TRAPPC9: variants seen among roughly 807,000 people sequenced by gnomAD.
TRAPPC9 encodes IKK2 binding protein.
TRAPPC9 carries 83 observed loss-of-function variants against 124.0 expected under a neutral mutation model. That is an observed-to-expected ratio of 0.67 (90% CI 0.56 to 0.80). The LOEUF (loss-of-function observed/expected upper bound fraction) is 0.80, where lower values mean the gene tolerates loss of function less well. TRAPPC9 is among the 30% of genes least tolerant of loss of function. The pLI is 0.00. For missense variants in TRAPPC9, 1,302 were observed against 1,508.3 expected (o/e 0.86, Z 2.27); for synonymous variants, 638 against 617.5 (o/e 1.03, Z -0.49).
chr8:140,075,005 T>G (rs79025798), intron 17 of TRAPPC9, among the ~76,000 whole-genome samples: 1 of 152,142 alleles, frequency 6.6e-6, no homozygotes, highest in Non-Finnish European at 1.5e-5. Context: ...ACTTGCCCAA[T>G]GTCAGCCTTC....
Position 140,284,025 on chromosome 8 carries a change from G to A in TRAPPC9, c.1982-4C>T. 1 of 1,613,964 alleles carries A rather than the reference G, an allele frequency of 6.2e-7. No individual in the cohort carries two copies. On this transcript the variant is annotated splice_polypyrimidine_tract_variant and splice_region_variant and intron_variant, in intron 13 of 22. Coordinates refer to ENST00000438773, the MANE Select transcript of TRAPPC9 (RefSeq NM_001160372.4). ...CCGAAGACCGTGGTATGGTAACCTGGAATAGAAAAGGAACTTCTTCACTCC... is the reference window on the plus strand; with the variant it reads ...CCGAAGACCGTGGTATGGTAACCTGAAATAGAAAAGGAACTTCTTCACTCC...
chr8:139,826,554 G>A (rs962420224), intron 21 of TRAPPC9, among the ~76,000 whole-genome samples: 2 of 152,222 alleles, frequency 1.3e-5, no homozygotes, highest in African/African-American at 4.8e-5. Context: ...CCACGGCAGA[G>A]GCGGTGGAGT....
chr8:140,139,967 A>T (rs1041073409), intron 17 of TRAPPC9, among the ~76,000 whole-genome samples: 2 of 152,232 alleles, frequency 1.3e-5, no homozygotes, highest in African/African-American at 2.4e-5. Context: ...ATTCTTAAAC[A>T]AACAGCTACC....
chr8:139,961,542 G>A lies in TRAPPC9; in HGVS notation c.2810+27184C>T, dbSNP rs1428847527. Reference sequence around the variant, plus strand: ...GAGCCAAGCCTCCCTGTGCTCTCAGGGGAGCCAGGAACAGGCAGGAACTGC... The same window carrying A: ...GAGCCAAGCCTCCCTGTGCTCTCAGAGGAGCCAGGAACAGGCAGGAACTGC... On this transcript the variant is annotated intron_variant, in intron 19 of 22. Coordinates refer to ENST00000438773, the MANE Select transcript of TRAPPC9 (RefSeq NM_001160372.4). Among the ~76,000 whole-genome samples the A allele has an allele frequency of 2.4e-5, 3 of 124,402 alleles. 1 individual carries two copies. Among genetic ancestry groups the A allele is most frequent in the African/African-American group, 7.6e-5 (3 of 39,330 alleles). 81.6% of individuals were successfully genotyped at this position (124,402 alleles called of 152,430 possible). A position where few individuals can be genotyped will look rare whatever the true frequency, so the allele number is the denominator to read the frequency against.
In TRAPPC9 at chr8:140,182,767, G is replaced by A. The variant is rs1180808916; in HGVS notation, c.2556+38692C>T. ...ACCTGGCCTTGACCTATTACCCTCA[G>A]CTGAACACATCGTCACACACACCAC... On this transcript the variant is annotated intron_variant, in intron 17 of 22. Coordinates refer to ENST00000438773, the MANE Select transcript of TRAPPC9 (RefSeq NM_001160372.4). This position sits in a 1 kb window ranked among gnomAD's most constrained non-coding sequence, Gnocchi z 4.0. Among the ~76,000 whole-genome samples the A allele has an allele frequency of 6.6e-6, 1 of 152,024 alleles. No individual in the cohort carries two copies. The highest frequency in any genetic ancestry group is 1.5e-5 in the Non-Finnish European group (1 of 68,024).
At chr8:140,428,350 A>G (rs143572513) in intron 4 of TRAPPC9, among the ~76,000 whole-genome samples, 26 of 152,366 alleles carry the variant, frequency 1.7e-4, no homozygotes, top group Admixed American at 5.2e-4. Flanking sequence ...AAAATTATCA[A>G]TCAGACCAAA....
chr8:140,211,610 C>CT (rs1362305524), intron 17 of TRAPPC9, among the ~76,000 whole-genome samples: 1 of 152,200 alleles, frequency 6.6e-6, no homozygotes, highest in Non-Finnish European at 1.5e-5. Context: ...TCCCACAATT[C>CT]TTTATTTTAA....
At chr8:139,740,376 C>T (rs1248056469) in intron 21 of TRAPPC9, among the ~76,000 whole-genome samples, 1 of 152,234 alleles carries the variant, frequency 6.6e-6, no homozygotes, top group East Asian at 1.9e-4. Flanking sequence ...AGGGGCTTGG[C>T]AGGGCACAGA....
chr8:140,333,129 A>AG (rs2066938683), intron 9 of TRAPPC9, among the ~76,000 whole-genome samples: 1 of 151,872 alleles, frequency 6.6e-6, no homozygotes, highest in South Asian at 2.1e-4. Flanking sequence ...TTGTCTCAAA[A>AG]AAAAAAAAGA....
rs1365831496 is a variant in TRAPPC9 at position 140,182,705 on chromosome 8, C to A, written c.2556+38754G>T. ...ATTTGAGAGCTTACTTTAAGAAATT[C>A]TAAAAATACAGCCTCTTGGCAATCA... On this transcript the variant is annotated intron_variant, in intron 17 of 22. Coordinates refer to ENST00000438773, the MANE Select transcript of TRAPPC9 (RefSeq NM_001160372.4). This position sits in a 1 kb window ranked among gnomAD's most constrained non-coding sequence, Gnocchi z 4.0. Among the ~76,000 whole-genome samples the A allele has an allele frequency of 2.0e-5, 3 of 152,170 alleles. No homozygotes were observed. The highest frequency in any genetic ancestry group is 7.2e-5 in the African/African-American group (3 of 41,440).
chr8:140,149,392 G>A (rs554713302), intron 17 of TRAPPC9, among the ~76,000 whole-genome samples: 1 of 152,148 alleles, frequency 6.6e-6, no homozygotes, highest in East Asian at 1.9e-4. Context: ...GGCCAAGGTG[G>A]GTGGATCACT....
intron 21 of TRAPPC9, among the ~76,000 whole-genome samples, chr8:139,832,381 C>T (rs183042285): frequency 3.4e-4 from 52 of 152,316 alleles, no homozygotes; most frequent in African/African-American, 1.2e-3. Flanking sequence ...GGGGTGTTCG[C>T]GTGGAGCAGC....
At chr8:139,874,071 C>T (rs891174221) in intron 21 of TRAPPC9, among the ~76,000 whole-genome samples, 12 of 152,230 alleles carry the variant, frequency 7.9e-5, no homozygotes, top group African/African-American at 1.7e-4. Context: ...CAGGCACGCA[C>T]GCTGCACCAG....
At chr8:140,158,700 G>A (rs766841099) in intron 17 of TRAPPC9, among the ~76,000 whole-genome samples, 1 of 152,164 alleles carries the variant, frequency 6.6e-6, no homozygotes, top group Non-Finnish European at 1.5e-5. Flanking sequence ...TTCTAGTCCT[G>A]CAAGCTGAGC....
intron 17 of TRAPPC9, among the ~76,000 whole-genome samples, chr8:140,073,406 G>A (rs565125553): frequency 2.0e-5 from 3 of 152,104 alleles, no homozygotes; most frequent in Non-Finnish European, 4.4e-5. Flanking sequence ...ACAACAACTG[G>A]GATAATCTCA....
At chr8:139,837,093 AG>A (rs1826410782) in intron 21 of TRAPPC9, among the ~76,000 whole-genome samples, 1 of 152,178 alleles carries the variant, frequency 6.6e-6, no homozygotes, top group Non-Finnish European at 1.5e-5. Flanking sequence ...GTGTTAGTTC[AG>A]GGAACAAACC....
chr8:140,283,294 C>CT (rs376320364), intron 14 of TRAPPC9, among the ~76,000 whole-genome samples: 15,273 of 97,140 alleles, frequency 0.16, 3,073 homozygotes, highest in East Asian at 0.74. Context: ...ATTAAAATTC[C>CT]TTTTTTTTTT....
Position 139,969,639 on chromosome 8 carries a change from A to T in TRAPPC9, c.2810+19087T>A, listed in dbSNP as rs901651120. Reference sequence around the variant, plus strand: ...GCAGCTAACACTGAAGGGCTGGAAAATGTGAACCTGTAGAGCACAAAGGTG... The same window carrying T: ...GCAGCTAACACTGAAGGGCTGGAAATTGTGAACCTGTAGAGCACAAAGGTG... On this transcript the variant is annotated intron_variant, in intron 19 of 22. Transcript: ENST00000438773. 3.9e-5 allele frequency among the ~76,000 whole-genome samples: 6 copies of T among 152,220 alleles called. No homozygotes were observed. The East Asian group carries it at 1.2e-3, about 29-fold the overall frequency.
At chr8:140,033,683 T>G (rs1287050052) in intron 17 of TRAPPC9, among the ~76,000 whole-genome samples, 3 of 117,970 alleles carry the variant, frequency 2.5e-5, no homozygotes, top group Non-Finnish European at 5.1e-5. Flanking sequence ...TTTTTTTTTT[T>G]TTTTTTTTTT....
Sources: gnomAD v4.1 joint callset for allele counts (sites outside exome capture counted in the v4.1 genomes callset) on GRCh38, gnomAD v4.1.1 for gene constraint, Gnocchi (gnomAD v3.1) non-coding constraint, MANE v1.5 for transcripts, NCBI Gene and HGNC (gene_info 2026-07-23, HGNC 2026-07-21) for gene names.